The following OCA2 variants were observed in gnomAD, a reference collection of about 807,000 sequenced individuals.
OCA2 encodes OCA2 melanosomal transmembrane protein, also known as P protein.
In OCA2, 77 loss-of-function variants were observed where a neutral mutation model predicts 100.2. The observed-to-expected ratio is 0.77, with a 90% CI of 0.64 to 0.93. The LOEUF is 0.93. Among genes scored for constraint, OCA2 ranks in the 40% least tolerant of loss-of-function variants. OCA2 has a pLI of 0.00. For synonymous variants in OCA2, 432 were observed against 439.2 expected (o/e 0.98, Z 0.21); for missense variants, 1,062 against 1,089.1 (o/e 0.98, Z 0.35).
At chr15:28,095,597 A>G (rs950209960) in intron 1 of OCA2, among the ~76,000 whole-genome samples, 3 of 151,818 alleles carry the variant, frequency 2.0e-5, no homozygotes, top group African/African-American at 7.3e-5. Context: ...CGTGCCTGTA[A>G]TCCCAGCTAC....
chr15:27,877,606 T>C (rs565416822), intron 19 of OCA2, among the ~76,000 whole-genome samples: 7 of 152,146 alleles, frequency 4.6e-5, no homozygotes, highest in South Asian at 2.1e-4. Flanking sequence ...AAGTTTATTC[T>C]ATGCCACTTT....
intron 2 of OCA2, among the ~76,000 whole-genome samples, chr15:28,041,995 T>C (rs1408687783): frequency 6.6e-6 from 1 of 152,182 alleles, no homozygotes; most frequent in Admixed American, 6.5e-5. Flanking sequence ...GAAGTCTCCA[T>C]GTTGGGAAGC....
chr15:27,955,355 G>T, intron 16 of OCA2, 140 bp from the exon 17 acceptor site: 1 of 727,464 alleles, frequency 1.4e-6, no homozygotes, highest in Non-Finnish European at 2.5e-6. Flanking sequence ...ATGGGGGGCC[G>T]GTGGGGCTTC....
chr15:27,926,788 A>G (rs535646052), intron 18 of OCA2, among the ~76,000 whole-genome samples: 6 of 151,862 alleles, frequency 4.0e-5, no homozygotes, highest in Admixed American at 2.0e-4. Flanking sequence ...AACTTTTTCT[A>G]TTTTTAGTAG....
rs201904219 is a variant in OCA2, at chr15:27,957,684, G to C, written c.1688C>G (p.Pro563Arg). 1 of 1,613,058 alleles carries C rather than the reference G, an allele frequency of 6.2e-7. No homozygotes were observed. Among genetic ancestry groups the C allele is most frequent in the South Asian group, 1.1e-5 (1 of 91,084 alleles). ...CACAGCTGTCTCCTCGCGGCTGGCC[G>C]GGCTGATGCGCTGAGCAGTCAGGCG... is the stretch of plus-strand genomic sequence containing the variant. The part of the protein sequence containing the change: ...VWRLTAQRIS[P>R]ASREETAVRR... The change falls in exon 16 of 24, where the codon CCG becomes CGG. Residue 563 changes from proline (P) to arginine (R), a missense_variant. Pro to Arg is a moderately radical substitution (Grantham distance 103). Coordinates refer to ENST00000354638, the MANE Select transcript of OCA2 (RefSeq NM_000275.3). This position sits in a 1 kb window ranked among gnomAD's most constrained non-coding sequence, Gnocchi z 4.3.
At chr15:28,002,686 C>T (rs1321087349) in intron 9 of OCA2, among the ~76,000 whole-genome samples, 3 of 152,142 alleles carry the variant, frequency 2.0e-5, no homozygotes, top group Admixed American at 6.5e-5. Context: ...CTCCAGGCCA[C>T]GCGGGAGCCT....
At chr15:27,968,798 G>A (rs1400386365) in intron 14 of OCA2, among the ~76,000 whole-genome samples, 1 of 152,130 alleles carries the variant, frequency 6.6e-6, no homozygotes, top group Admixed American at 6.5e-5. Context: ...ACCACACAGA[G>A]GCGGGACTCA....
chr15:27,899,480 G>A (rs2151638371), intron 19 of OCA2, among the ~76,000 whole-genome samples: 1 of 152,292 alleles, frequency 6.6e-6, no homozygotes, highest in Admixed American at 6.5e-5. Context: ...CCTATGATTA[G>A]GTTAGAAATG....
chr15:27,839,213 A>G (rs2035260574), intron 23 of OCA2, among the ~76,000 whole-genome samples: 1 of 152,148 alleles, frequency 6.6e-6, no homozygotes, highest in Non-Finnish European at 1.5e-5. Flanking sequence ...GTGAAAAAGC[A>G]TAAGAACAAA....
At chr15:28,032,186 C>T (rs747480544) in intron 2 of OCA2, 23 bp from the exon 3 acceptor site, 3 of 1,510,616 alleles carry the variant, frequency 2.0e-6, no homozygotes, top group African/African-American at 1.4e-5. Flanking sequence ...GGGTAGGAAA[C>T]AGAATCACCA....
intron 23 of OCA2, among the ~76,000 whole-genome samples, chr15:27,758,998 A>G (rs1015970641): frequency 6.6e-6 from 1 of 152,200 alleles, no homozygotes; most frequent in African/African-American, 2.4e-5. Flanking sequence ...CCCAAAATCT[A>G]TGCCAAGACA....
At chr15:28,050,594 C>A (rs2043482267) in intron 2 of OCA2, among the ~76,000 whole-genome samples, 1 of 151,664 alleles carries the variant, frequency 6.6e-6, no homozygotes, top group South Asian at 2.1e-4. Context: ...AGACCAGTGC[C>A]CTCCAGTGGT....
Position 27,805,883 on chromosome 15 carries a change from G to A in OCA2, c.2432+39076C>T, listed in dbSNP as rs146915674. On this transcript the variant is annotated intron_variant, in intron 23 of 23. Coordinates refer to ENST00000354638, the MANE Select transcript of OCA2 (RefSeq NM_000275.3). ...GGGCGTGGGATTCAAAGGCCACAGG[G>A]CAGGGGAGCCTGGCTCTCCAGAGCC... Among the ~76,000 whole-genome samples, 133 of 152,292 alleles carry A rather than the reference G, an allele frequency of 8.7e-4. 1 individual carries two copies. The highest frequency in any genetic ancestry group is 2.9e-3 in the African/African-American group (120 of 41,582).
intron 23 of OCA2, among the ~76,000 whole-genome samples, chr15:27,843,350 T>C (rs1387023019): frequency 6.6e-6 from 1 of 152,196 alleles, no homozygotes; most frequent in Non-Finnish European, 1.5e-5. Context: ...ATCCCCTCTC[T>C]TGGCTGTGCT....
At chr15:27,832,108 CA>C in intron 23 of OCA2, among the ~76,000 whole-genome samples, 1 of 152,320 alleles carries the variant, frequency 6.6e-6, no homozygotes, top group South Asian at 2.1e-4. Flanking sequence ...CGGACTGGAA[CA>C]TACTCAAGAC....
At chr15:27,793,022 G>A (rs2033158698) in intron 23 of OCA2, among the ~76,000 whole-genome samples, 1 of 152,182 alleles carries the variant, frequency 6.6e-6, no homozygotes, top group African/African-American at 2.4e-5. Context: ...ACAGCTCCCG[G>A]GCTGTTTACA....
intron 23 of OCA2, among the ~76,000 whole-genome samples, chr15:27,789,438 A>G (rs993683439): frequency 1.3e-5 from 2 of 152,172 alleles, no homozygotes; most frequent in Non-Finnish European, 2.9e-5. Flanking sequence ...ATGTCATACT[A>G]CTGCTTTTTG....
At chr15:27,970,294 CAA>C (rs3216770) in intron 14 of OCA2, among the ~76,000 whole-genome samples, 1 of 149,518 alleles carries the variant, frequency 6.7e-6, no homozygotes, top group Admixed American at 6.7e-5. Context: ...ACCAACAAAC[CAA>C]AAAAAAAACC....
At chr15:27,851,852 C>T (rs2035764683) in intron 21 of OCA2, among the ~76,000 whole-genome samples, 1 of 152,184 alleles carries the variant, frequency 6.6e-6, no homozygotes, top group Admixed American at 6.5e-5. Context: ...CAACATCCCT[C>T]AAGTGTGCTG....
Sources: allele counts gnomAD v4.1 joint callset (sites outside exome capture counted in the v4.1 genomes callset), GRCh38; gene constraint gnomAD v4.1.1; non-coding constraint Gnocchi (gnomAD v3.1); transcripts MANE v1.5; gene names NCBI Gene and HGNC (gene_info 2026-07-23, HGNC 2026-07-21).